Variants in RAB10 observed in about 807,000 individuals in gnomAD.
RAB10 encodes ras-related protein Rab-10.
RAB10 carries 5 observed loss-of-function variants against 25.7 expected under a neutral mutation model. That is an observed-to-expected ratio of 0.19 (90% CI 0.10 to 0.41). RAB10 has a LOEUF of 0.41. RAB10 is among the 10% of genes least tolerant of loss of function. The pLI is 1.00. For missense variants in RAB10, 103 were observed against 245.8 expected (o/e 0.42, Z 3.89); for synonymous variants, 89 against 86.4 (o/e 1.03, Z -0.16).
intron 5 of RAB10, among the ~76,000 whole-genome samples, chr2:26,128,336 C>T (rs1667943474): frequency 6.6e-6 from 1 of 152,216 alleles, no homozygotes; most frequent in Non-Finnish European, 1.5e-5. Context: ...TGCTCACCTC[C>T]TGCTGGGTGG....
chr2:26,126,237 C>A (rs1468755362), intron 3 of RAB10, among the ~76,000 whole-genome samples: 1 of 152,092 alleles, frequency 6.6e-6, no homozygotes, highest in East Asian at 1.9e-4. Context: ...TATGCCAGTT[C>A]CACACTTTTT....
Position 26,127,132 on chromosome 2 carries a change from A to G in RAB10, c.328-12A>G, listed in dbSNP as rs1667923423. ...TGGTAGTATGTAAAAGTAAAATTTT[A>G]TTTCATTTTAGCATGCCAATGAAGA... On this transcript the variant is annotated splice_polypyrimidine_tract_variant and intron_variant, in intron 3 of 5. Coordinates refer to ENST00000264710, the MANE Select transcript of RAB10 (RefSeq NM_016131.5). The G allele has an allele frequency of 3.8e-6, 6 of 1,579,756 alleles. No individual in the cohort carries two copies. The highest frequency in any genetic ancestry group is 5.2e-6 in the Non-Finnish European group (6 of 1,164,046).
intron 1 of RAB10, among the ~76,000 whole-genome samples, chr2:26,053,946 C>G (rs746368653): frequency 6.6e-6 from 1 of 151,498 alleles, no homozygotes; most frequent in Non-Finnish European, 1.5e-5. Context: ...TCTAGATCCT[C>G]CTGCCTCAGC....
chr2:26,109,148 G>C (rs1051830368), intron 2 of RAB10, among the ~76,000 whole-genome samples: 2 of 151,944 alleles, frequency 1.3e-5, no homozygotes, highest in East Asian at 3.9e-4. Context: ...GACCTTAAGT[G>C]ATCTACACGC....
chr2:26,127,130 T>G lies in RAB10; in HGVS notation c.328-14T>G. 1 of 1,577,056 alleles carries G rather than the reference T, an allele frequency of 6.3e-7. No homozygotes were observed. The highest frequency in any genetic ancestry group is 8.6e-7 in the Non-Finnish European group (1 of 1,161,692). On this transcript the variant is annotated splice_polypyrimidine_tract_variant and intron_variant, in intron 3 of 5. Coordinates refer to ENST00000264710, the MANE Select transcript of RAB10 (RefSeq NM_016131.5). ...CATGGTAGTATGTAAAAGTAAAATT[T>G]TATTTCATTTTAGCATGCCAATGAA...
intron 1 of RAB10, among the ~76,000 whole-genome samples, chr2:26,048,537 A>G (rs75116256): frequency 0.015 from 2,312 of 152,148 alleles, 40 homozygotes; most frequent in African/African-American, 0.04. Flanking sequence ...GTGGTTGCCA[A>G]TTTTCTAATT....
intron 1 of RAB10, chr2:26,042,698 A>T (rs1157646459): frequency 6.6e-6 from 1 of 152,118 alleles, no homozygotes; most frequent in Non-Finnish European, 1.5e-5. Flanking sequence ...TAGCATATAT[A>T]CTAAAATTGG....
chr2:26,083,135 T>C (rs1286902948), intron 1 of RAB10, among the ~76,000 whole-genome samples: 1 of 152,130 alleles, frequency 6.6e-6, no homozygotes, highest in Non-Finnish European at 1.5e-5. Flanking sequence ...GTCTAGAGCT[T>C]CCTAAGGTCA....
At chr2:26,036,911 T>G (rs1434053542) in intron 1 of RAB10, among the ~76,000 whole-genome samples, 3 of 151,918 alleles carry the variant, frequency 2.0e-5, no homozygotes, top group Non-Finnish European at 4.4e-5. Flanking sequence ...CTCAGCTTCC[T>G]GAGTAGCAGA....
chr2:26,129,807 C>A (rs1667976320), intron 5 of RAB10, among the ~76,000 whole-genome samples: 1 of 152,008 alleles, frequency 6.6e-6, no homozygotes, highest in Non-Finnish European at 1.5e-5. Context: ...CCAGTCAGAT[C>A]AAAAATTGAA....
At chr2:26,041,137 G>T (rs554349213) in intron 1 of RAB10, among the ~76,000 whole-genome samples, 6 of 152,206 alleles carry the variant, frequency 3.9e-5, no homozygotes, top group African/African-American at 1.2e-4. Flanking sequence ...AGGCAGACAG[G>T]TGGTACAATC....
intron 3 of RAB10, among the ~76,000 whole-genome samples, chr2:26,118,099 A>G (rs1224339343): frequency 6.6e-6 from 1 of 151,570 alleles, no homozygotes; most frequent in African/African-American, 2.4e-5. Context: ...CAGCCTCCTG[A>G]GTAGCTGGGA....
intron 1 of RAB10, among the ~76,000 whole-genome samples, chr2:26,049,411 CT>C (rs113360769): frequency 2.1e-3 from 303 of 141,700 alleles, no homozygotes; most frequent in Non-Finnish European, 1.9e-3. Context: ...TTTTTTCCCT[CT>C]TTTTTTTTTT....
intron 3 of RAB10, among the ~76,000 whole-genome samples, chr2:26,125,226 C>T (rs1488188000): frequency 6.6e-6 from 1 of 152,100 alleles, no homozygotes; most frequent in Non-Finnish European, 1.5e-5. Context: ...ACCAACAGTA[C>T]ACAAAGGTGT....
At chr2:26,103,449 A>G (rs1667386033) in intron 2 of RAB10, among the ~76,000 whole-genome samples, 1 of 152,194 alleles carries the variant, frequency 6.6e-6, no homozygotes, top group African/African-American at 2.4e-5. Flanking sequence ...GAAGGGTTTA[A>G]ACTACTGTAA....
rs1668101601 is a variant in RAB10, at chr2:26,135,875, A to C, written c.*854A>C. ...AAGGGACAAACTAGTAGGTTTGTCA[A>C]GTTTAATATAAAGCACTGATGTAAC... On this transcript the variant is annotated 3_prime_UTR_variant, in exon 6 of 6. Coordinates refer to ENST00000264710, the MANE Select transcript of RAB10 (RefSeq NM_016131.5). 1 of 152,618 alleles carries C rather than the reference A, an allele frequency of 6.6e-6. No individual in the cohort carries two copies. The highest frequency in any genetic ancestry group is 6.5e-5 in the Admixed American group (1 of 15,272). 9.5% of individuals were successfully genotyped at this position (152,618 alleles called of 1,614,324 possible). A position where few individuals can be genotyped will look rare whatever the true frequency, so the allele number is the denominator to read the frequency against.
chr2:26,127,895 G>A lies in RAB10; in HGVS notation c.463G>A (p.Ala155Thr). Reference protein sequence around the residue: ...GIRFFETSAKANINIEKAFLT... With the variant: ...GIRFFETSAKTNINIEKAFLT... The stretch of plus-strand genomic sequence containing the variant: ...TAGGTTTTTTGAGACTAGTGCAAAA[G>A]CAAATATAAACATCGAAAAGGCGTT... The change falls in exon 5 of 6, where the codon GCA (alanine) becomes ACA (threonine). Residue 155 changes from alanine to threonine, a missense_variant. Around this residue, in one of 2 missense-constraint regions of RAB10, gnomAD observed 79 missense variants for 217.8 expected, o/e 0.36. Transcript: ENST00000264710. 1.2e-6 allele frequency: 2 copies of A among 1,611,450 alleles called. No individual in the cohort carries two copies. The highest frequency in any genetic ancestry group is 1.7e-6 in the Non-Finnish European group (2 of 1,177,526).
intron 3 of RAB10, among the ~76,000 whole-genome samples, chr2:26,123,415 G>A (rs1490283332): frequency 6.6e-6 from 1 of 152,178 alleles, no homozygotes; most frequent in African/African-American, 2.4e-5. Context: ...TTACACCGCT[G>A]AAGATGCCAT....
At chr2:26,055,414 T>C (rs1666238818) in intron 1 of RAB10, among the ~76,000 whole-genome samples, 1 of 150,122 alleles carries the variant, frequency 6.7e-6, no homozygotes, top group Non-Finnish European at 1.5e-5. Context: ...TTTTTGGAGA[T>C]ACTCACTCTT....
Sources: gnomAD v4.1 joint callset for allele counts (sites outside exome capture counted in the v4.1 genomes callset) on GRCh38, gnomAD v4.1.1 for gene constraint, gnomAD v4.1.1 regional missense constraint, MANE v1.5 for transcripts, NCBI Gene and HGNC (gene_info 2026-07-23, HGNC 2026-07-21) for gene names.